Variants in CNTN5 observed in about 807,000 individuals in gnomAD.
CNTN5 encodes the protein contactin 5, also known as contactin-5.
Under a neutral mutation model 129.1 loss-of-function variants are expected in CNTN5, and 77 were observed. The ratio of observed to expected loss-of-function variants is 0.60; its 90% CI spans 0.50 to 0.72. The LOEUF is 0.72. Ranked by LOEUF, CNTN5 falls within the 30% of genes least tolerant of loss-of-function variation. CNTN5 has a pLI of 0.00. For missense variants in CNTN5, 1,478 were observed against 1,328.8 expected, an observed-to-expected ratio of 1.11 and a Z score of -1.75; for synonymous variants, 509 against 465.6, an observed-to-expected ratio of 1.09 and a Z score of -1.20.
chr11:99,870,813 C>CT (rs1948485939), intron 6 of CNTN5, among the ~76,000 whole-genome samples: 1 of 6,204 alleles, frequency 1.6e-4, no homozygotes, highest in Admixed American at 2.9e-3. Flanking sequence ...ATCTCATATA[C>CT]TTTGGAAGAG....
At chr11:99,653,051 A>G (rs1248740568) in intron 3 of CNTN5, among the ~76,000 whole-genome samples, 1 of 152,040 alleles carries the variant, frequency 6.6e-6, no homozygotes. Context: ...AAGAAAAAAC[A>G]ATTGTTTATA....
At chr11:99,308,625 G>A (rs1746722458) in intron 1 of CNTN5, among the ~76,000 whole-genome samples, 1 of 151,998 alleles carries the variant, frequency 6.6e-6, no homozygotes, top group African/African-American at 2.4e-5. Flanking sequence ...TCTCCCAAAA[G>A]GAAATATGAA....
In CNTN5 at chr11:100,358,299, G is replaced by A. The variant is rs1220206140; in HGVS notation, c.*2079G>A. The A allele has an allele frequency of 6.6e-6, 1 of 151,724 alleles. No homozygotes were observed. The highest frequency in any genetic ancestry group is 2.4e-5 in the African/African-American group (1 of 41,364). 9.4% of individuals were successfully genotyped at this position (151,724 alleles called of 1,614,324 possible). ...AGTAAAATATTAAACAAATAAAATG[G>A]CAAATTTAAATTAACCAATATTTTT... On this transcript the variant is annotated 3_prime_UTR_variant, in exon 25 of 25. Transcript: ENST00000524871.
chr11:99,480,120 T>G (rs1456016244), intron 2 of CNTN5, among the ~76,000 whole-genome samples: 1 of 152,216 alleles, frequency 6.6e-6, no homozygotes, highest in East Asian at 1.9e-4. Flanking sequence ...TAAGTAAGCA[T>G]GATTTTTTCT....
chr11:99,282,920 C>A (rs1252893431), intron 1 of CNTN5, among the ~76,000 whole-genome samples: 2 of 152,032 alleles, frequency 1.3e-5, no homozygotes, highest in Admixed American at 6.6e-5. Context: ...GCATGACATC[C>A]CCAATCAAAT....
At position 99,549,910 on chromosome 11, in the gene CNTN5, C is replaced by A. The variant is rs531093517; in HGVS notation, c.-70-6235C>A. On this transcript the variant is annotated intron_variant, in intron 2 of 24. Coordinates refer to ENST00000524871, the MANE Select transcript of CNTN5 (RefSeq NM_014361.4). ...TTTTGAGTAGTAAGTAATCTCGAAC[C>A]ATACTTTTTCTACTCTTATATTTTA... is the stretch of plus-strand genomic sequence containing the variant. Among the ~76,000 whole-genome samples, 34 of 152,190 alleles carry A rather than the reference C, an allele frequency of 2.2e-4. 1 individual carries two copies. The South Asian group carries it at 6.6e-3, about 30-fold the overall frequency.
chr11:100,261,636 T>C (rs909989681), intron 17 of CNTN5, among the ~76,000 whole-genome samples: 1 of 151,984 alleles, frequency 6.6e-6, no homozygotes, highest in African/African-American at 2.4e-5. Flanking sequence ...ACCTCAGAAA[T>C]AACACCACAC....
intron 3 of CNTN5, among the ~76,000 whole-genome samples, chr11:99,801,098 C>T (rs1351734883): frequency 6.6e-6 from 1 of 152,156 alleles, no homozygotes; most frequent in Non-Finnish European, 1.5e-5. Context: ...GTTATTACTA[C>T]CGTAAGAGCC....
intron 1 of CNTN5, among the ~76,000 whole-genome samples, chr11:99,104,677 C>T: frequency 6.6e-6 from 1 of 151,240 alleles, no homozygotes; most frequent in East Asian, 1.9e-4. Context: ...AGATTGCCTT[C>T]CATAAAAATA....
At chr11:100,204,297 A>T (rs200159895) in intron 15 of CNTN5, among the ~76,000 whole-genome samples, 1,416 of 17,628 alleles carry the variant, frequency 0.08, 144 homozygotes, top group South Asian at 0.17. Flanking sequence ...AACATTGACT[A>T]ATATATATAT....
At chr11:99,024,542 C>T (rs1277074779) in intron 1 of CNTN5, among the ~76,000 whole-genome samples, 1 of 151,986 alleles carries the variant, frequency 6.6e-6, no homozygotes, top group Non-Finnish European at 1.5e-5. Flanking sequence ...TAAATATTTG[C>T]ATAAGCTAAT....
Position 100,357,256 on chromosome 11 carries a change from A to G in CNTN5, c.*1036A>G, listed in dbSNP as rs1952544239. The stretch of plus-strand genomic sequence containing the variant: ...AGTTTTGATTTTTAAAAACAGTTCC[A>G]TGCATCACATACCACTGATAAAATC... On this transcript the variant is annotated 3_prime_UTR_variant, in exon 25 of 25. Transcript: ENST00000524871. The G allele has an allele frequency of 6.6e-6, 1 of 151,814 alleles. No homozygotes were observed. Among genetic ancestry groups the G allele is most frequent in the Admixed American group, 6.6e-5 (1 of 15,188 alleles). 9.4% of individuals were successfully genotyped at this position (151,814 alleles called of 1,614,324 possible).
intron 1 of CNTN5, among the ~76,000 whole-genome samples, chr11:99,133,377 A>G (rs1313655912): frequency 8.3e-5 from 3 of 36,044 alleles, no homozygotes; most frequent in Non-Finnish European, 1.0e-4. Context: ...GCCAAAAGCA[A>G]TTGCAAAAAA....
intron 13 of CNTN5, among the ~76,000 whole-genome samples, chr11:100,097,048 C>T (rs1478111170): frequency 6.6e-6 from 1 of 152,012 alleles, no homozygotes; most frequent in African/African-American, 2.4e-5. Flanking sequence ...AAATGATGAT[C>T]AACAAAATTC....
At chr11:99,844,710 G>A (rs1947625704) in intron 4 of CNTN5, 142 bp from the exon 5 acceptor site, 7 of 694,986 alleles carry the variant, frequency 1.0e-5, no homozygotes, top group Admixed American at 3.1e-5. Context: ...CAGTTTTCTA[G>A]CTATTCCTTC....
chr11:99,191,840 A>G (rs1858658822), intron 1 of CNTN5, among the ~76,000 whole-genome samples: 1 of 151,842 alleles, frequency 6.6e-6, no homozygotes, highest in Non-Finnish European at 1.5e-5. Context: ...GTTTATAGCA[A>G]TAAATGTCCA....
In CNTN5 at chr11:99,224,657, A is replaced by ATTTTTTTTT. The variant is rs3082693; in HGVS notation, c.-209-100677_-209-100669dup. Among the ~76,000 whole-genome samples, 708 of 108,918 alleles carry ATTTTTTTTT rather than the reference A, an allele frequency of 6.5e-3. 41 individuals are homozygous for ATTTTTTTTT. Among genetic ancestry groups the ATTTTTTTTT allele is most frequent in the Non-Finnish European group, 0.011 (612 of 57,080 alleles). The allele number at this position is 108,918 out of a possible 152,430, so 71.5% of individuals were successfully genotyped here. Reference sequence around the variant, plus strand: ...AAAGAGTCTCGTCTCCCAAGGTTGCATTTTTTTTTTTTTTTTTTTTGAGAC... The same window carrying ATTTTTTTTT: ...AAAGAGTCTCGTCTCCCAAGGTTGCATTTTTTTTTTTTTTTTTTTTTTTTTTTTTGAGAC... On this transcript the variant is annotated intron_variant, in intron 1 of 24. Transcript: ENST00000524871.
rs186416854 is a variant in CNTN5, at chr11:99,242,852, A to G, written c.-209-82494A>G. On this transcript the variant is annotated intron_variant, in intron 1 of 24. Coordinates refer to ENST00000524871, the MANE Select transcript of CNTN5 (RefSeq NM_014361.4). Reference sequence around the variant, plus strand: ...ATGGCTTTATAGTATTCCATGGTGTATATGTACCATGTTTTCTTTATCCAA... The same window carrying G: ...ATGGCTTTATAGTATTCCATGGTGTGTATGTACCATGTTTTCTTTATCCAA... 1.7e-4 allele frequency among the ~76,000 whole-genome samples: 26 copies of G among 152,196 alleles called. No individual in the cohort carries two copies. The East Asian group carries it at 4.8e-3, about 28-fold the overall frequency.
chr11:100,249,092 T>C lies in CNTN5; in HGVS notation c.2006-6668T>C, dbSNP rs147055876. 6.6e-3 allele frequency among the ~76,000 whole-genome samples: 998 copies of C among 152,264 alleles called. 8 individuals carry two copies. The highest frequency in any genetic ancestry group is 0.023 in the African/African-American group (941 of 41,560). Reference sequence around the variant, plus strand: ...TATGGTCAAACTAGATGACTCCAATTAATTTAAAAATTCTATGACTCTGTA... The same window carrying C: ...TATGGTCAAACTAGATGACTCCAATCAATTTAAAAATTCTATGACTCTGTA... On this transcript the variant is annotated intron_variant, in intron 16 of 24. Transcript: ENST00000524871.
Sources: allele counts gnomAD v4.1 joint callset (sites outside exome capture counted in the v4.1 genomes callset), GRCh38; gene constraint gnomAD v4.1.1; transcripts MANE v1.5; gene names NCBI Gene and HGNC (gene_info 2026-07-23, HGNC 2026-07-21).